HNRNPC: variants seen among roughly 807,000 people sequenced by gnomAD.
The protein encoded by HNRNPC is heterogeneous nuclear ribonucleoprotein C, also known as heterogeneous nuclear ribonucleoproteins C1/C2.
HNRNPC carries 3 observed loss-of-function variants against 33.2 expected under a neutral mutation model. The ratio of observed to expected loss-of-function variants is 0.09; its 90% CI spans 0.04 to 0.23. The LOEUF is 0.23. HNRNPC is among the 10% of genes least tolerant of loss of function. HNRNPC has a pLI of 1.00. For synonymous variants in HNRNPC, 121 were observed against 126.7 expected (o/e 0.96, Z 0.30); for missense variants, 143 against 366.7 (o/e 0.39, Z 4.98).
intron 5 of HNRNPC, among the ~76,000 whole-genome samples, chr14:21,229,413 G>A (rs1023698723): frequency 6.6e-6 from 1 of 150,984 alleles, no homozygotes; most frequent in Non-Finnish European, 1.5e-5. Context: ...AATGTCAAAT[G>A]AAAAAAACAT....
intron 5 of HNRNPC, among the ~76,000 whole-genome samples, chr14:21,220,012 C>T (rs1215422329): frequency 6.6e-6 from 1 of 152,206 alleles, no homozygotes; most frequent in East Asian, 1.9e-4. Flanking sequence ...ACTCCCATTG[C>T]CATTTCTCTG....
intron 2 of HNRNPC, among the ~76,000 whole-genome samples, chr14:21,252,222 T>C (rs1896747967): frequency 1.3e-5 from 2 of 152,156 alleles, no homozygotes; most frequent in African/African-American, 4.8e-5. Context: ...CCACCAACCA[T>C]GTTATCCCCG....
chr14:21,250,644 T>C (rs1896535763), intron 2 of HNRNPC, among the ~76,000 whole-genome samples: 1 of 152,210 alleles, frequency 6.6e-6, no homozygotes, highest in Admixed American at 6.5e-5. Flanking sequence ...TTAGAAGTCA[T>C]TATTTCAAAT....
intron 2 of HNRNPC, among the ~76,000 whole-genome samples, chr14:21,241,260 A>AC (rs1895306520): frequency 6.8e-6 from 1 of 147,818 alleles, no homozygotes; most frequent in Non-Finnish European, 1.5e-5. Flanking sequence ...TATGTCTCAA[A>AC]AAAAAAAAAA....
intron 5 of HNRNPC, among the ~76,000 whole-genome samples, chr14:21,227,442 A>G (rs928292196): frequency 1.3e-5 from 2 of 152,244 alleles, no homozygotes; most frequent in African/African-American, 4.8e-5. Context: ...ACAATAGAAG[A>G]CATTACTTTT....
At chr14:21,244,978 A>T (rs1383861641) in intron 2 of HNRNPC, among the ~76,000 whole-genome samples, 1 of 150,194 alleles carries the variant, frequency 6.7e-6, no homozygotes, top group Non-Finnish European at 1.5e-5. Flanking sequence ...CCAGCTACTC[A>T]GGAGGCTGAG....
At chr14:21,247,935 G>A (rs924058527) in intron 2 of HNRNPC, among the ~76,000 whole-genome samples, 3 of 151,686 alleles carry the variant, frequency 2.0e-5, no homozygotes, top group African/African-American at 7.3e-5. Context: ...AGGTTGCAGT[G>A]AGCCGAGATC....
intron 1 of HNRNPC, among the ~76,000 whole-genome samples, chr14:21,267,095 C>CAAAAAAAAAAAA (rs56203257): frequency 9.6e-6 from 1 of 104,050 alleles, no homozygotes; most frequent in Non-Finnish European, 2.0e-5. Flanking sequence ...GACTCCGTCT[C>CAAAAAAAAAAAA]AAAAAAAAAA....
chr14:21,225,206 A>T (rs926397157), intron 5 of HNRNPC, among the ~76,000 whole-genome samples: 18 of 151,674 alleles, frequency 1.2e-4, no homozygotes, highest in African/African-American at 4.4e-4. Context: ...AGATCACCTG[A>T]GGTCAGGAGT....
At chr14:21,240,298 T>C (rs958292848) in intron 2 of HNRNPC, among the ~76,000 whole-genome samples, 1 of 152,218 alleles carries the variant, frequency 6.6e-6, no homozygotes, top group African/African-American at 2.4e-5. Flanking sequence ...ACTGTAAATT[T>C]TATTTCCAAC....
At chr14:21,261,376 C>G (rs1257333098) in intron 2 of HNRNPC, among the ~76,000 whole-genome samples, 1 of 152,124 alleles carries the variant, frequency 6.6e-6, no homozygotes, top group Non-Finnish European at 1.5e-5. Context: ...GAAAAAATAG[C>G]TCTCATACAA....
intron 5 of HNRNPC, among the ~76,000 whole-genome samples, chr14:21,221,006 G>C (rs1892769798): frequency 6.6e-6 from 1 of 152,108 alleles, no homozygotes; most frequent in East Asian, 1.9e-4. Flanking sequence ...AGGATCCCTT[G>C]AAACCGGGAG....
chr14:21,231,917 T>C (rs1057383381), intron 3 of HNRNPC, among the ~76,000 whole-genome samples: 4 of 152,188 alleles, frequency 2.6e-5, no homozygotes, highest in East Asian at 3.8e-4. Context: ...CAAATTAACA[T>C]AGTGAAGTGT....
intron 1 of HNRNPC, chr14:21,265,384 GAAAAATGTGAAAAGAAACCAATTCTA>G (rs1473551049): frequency 1.4e-5 from 2 of 147,812 alleles, no homozygotes; most frequent in East Asian, 3.9e-4. Flanking sequence ...TAAAAATAAA[GAAAAATGTGAAAAGAAACCAATTCTA>G]TCTTTCAATA....
intron 5 of HNRNPC, among the ~76,000 whole-genome samples, chr14:21,226,217 G>T (rs887579815): frequency 1.3e-5 from 2 of 151,270 alleles, no homozygotes; most frequent in African/African-American, 4.9e-5. Context: ...AGCTACTCAG[G>T]AGGCTGAGGC....
chr14:21,216,394 T>C (rs1261998912), intron 5 of HNRNPC, among the ~76,000 whole-genome samples: 1 of 152,074 alleles, frequency 6.6e-6, no homozygotes, highest in Non-Finnish European at 1.5e-5. Flanking sequence ...ATTCTCATCT[T>C]AAAAATGTGA....
chr14:21,244,941 C>T (rs1235874509), intron 2 of HNRNPC, among the ~76,000 whole-genome samples: 2 of 151,718 alleles, frequency 1.3e-5, no homozygotes, highest in African/African-American at 4.8e-5. Context: ...AAAAATTAGC[C>T]AGGCGTGGTG....
At chr14:21,241,814 A>T (rs989444692) in intron 2 of HNRNPC, among the ~76,000 whole-genome samples, 5 of 152,240 alleles carry the variant, frequency 3.3e-5, no homozygotes, top group Non-Finnish European at 7.3e-5. Context: ...CTGTGAGAGT[A>T]ATCTCTGAGA....
At chr14:21,256,780 G>A (rs1330491102) in intron 2 of HNRNPC, among the ~76,000 whole-genome samples, 1 of 152,020 alleles carries the variant, frequency 6.6e-6, no homozygotes, top group Non-Finnish European at 1.5e-5. Flanking sequence ...TGTCTCTCAA[G>A]TAGCTGGGAC....
Sources: gnomAD v4.1 joint callset for allele counts (sites outside exome capture counted in the v4.1 genomes callset) on GRCh38, gnomAD v4.1.1 for gene constraint, MANE v1.5 for transcripts, NCBI Gene and HGNC (gene_info 2026-07-23, HGNC 2026-07-21) for gene names.